TTBK2: variants seen among roughly 807,000 people sequenced by gnomAD.
TTBK2 encodes tau-tubulin kinase 2.
Under a neutral mutation model 110.8 loss-of-function variants are expected in TTBK2, and 28 were observed. The observed-to-expected ratio is 0.25, with a 90% confidence interval of 0.19 to 0.35. TTBK2 has a LOEUF of 0.35. Among genes scored for constraint, TTBK2 ranks in the 10% least tolerant of loss-of-function variants. The pLI is 1.00. For missense variants in TTBK2, 1,369 were observed against 1,500.3 expected (o/e 0.91, Z 1.45); for synonymous variants, 532 against 527.3 (o/e 1.01, Z -0.12).
chr15:42,840,801 A>G (rs1893189967), intron 3 of TTBK2, among the ~76,000 whole-genome samples: 2 of 152,250 alleles, frequency 1.3e-5, no homozygotes, highest in African/African-American at 2.4e-5. Flanking sequence ...TGTTAGGAAT[A>G]TAAACCCTGA....
chr15:42,802,357 G>T, intron 9 of TTBK2: 1 of 769,054 alleles, frequency 1.3e-6, no homozygotes. Flanking sequence ...AAAGGCCTGG[G>T]GGCCAGAGGT....
chr15:42,869,498 A>C (rs1402609006), intron 3 of TTBK2, among the ~76,000 whole-genome samples: 2 of 152,116 alleles, frequency 1.3e-5, no homozygotes, highest in Admixed American at 1.3e-4. Flanking sequence ...GTAATAAAAA[A>C]AGAAAATGGA....
rs1443712913 is a variant in TTBK2 at position 42,739,854 on chromosome 15, G to A, written c.*5941C>T. 6.6e-6 allele frequency: 1 copy of A among 152,158 alleles called. No individual in the cohort carries two copies. The highest frequency in any genetic ancestry group is 1.5e-5 in the Non-Finnish European group (1 of 68,038). 9.4% of individuals were successfully genotyped at this position (152,158 alleles called of 1,614,324 possible). On this transcript the variant is annotated 3_prime_UTR_variant, in exon 15 of 15. Transcript: ENST00000267890. ...GAATGCCCACACAGAGTTCAGATGTGGTGAAATGCTGGGCATTGATTCCTC... is the reference window on the plus strand; with the variant it reads ...GAATGCCCACACAGAGTTCAGATGTAGTGAAATGCTGGGCATTGATTCCTC...
intron 3 of TTBK2, among the ~76,000 whole-genome samples, chr15:42,853,029 C>G (rs1172137270): frequency 6.6e-6 from 1 of 152,174 alleles, no homozygotes; most frequent in Non-Finnish European, 1.5e-5. Context: ...AACCAGTTGT[C>G]TAATCCAGAA....
At position 42,775,401 on chromosome 15, in the gene TTBK2, G is replaced by T. The variant is rs1321911420; in HGVS notation, c.1732C>A (p.Pro578Thr). 1.2e-6 allele frequency: 2 copies of T among 1,614,194 alleles called. No homozygotes were observed. The highest frequency in any genetic ancestry group is 3.3e-5 in the Admixed American group (2 of 60,016). ...AGTACTTCAGGCTCCTCATCAGAAG[G>T]ACTTCCAGTTGTTTTATGTCCTACA... ...EAVGHKTTGS[P>T]SDEEPEVLQV... is the part of the protein sequence containing the mutation. The change falls in exon 13 of 15, where the codon CCT (proline) becomes ACT (threonine). Residue 578 changes from proline to threonine, a missense_variant. Transcript: ENST00000267890.
chr15:42,863,398 T>C (rs1044492366), intron 3 of TTBK2, among the ~76,000 whole-genome samples: 1 of 152,118 alleles, frequency 6.6e-6, no homozygotes, highest in African/African-American at 2.4e-5. Flanking sequence ...CAAGGAGAAC[T>C]ATAAAACATT....
At chr15:42,905,149 C>G (rs1381058709) in intron 1 of TTBK2, among the ~76,000 whole-genome samples, 1 of 152,150 alleles carries the variant, frequency 6.6e-6, no homozygotes, top group Non-Finnish European at 1.5e-5. Context: ...GCTGGGATTA[C>G]AGGCCTGTGC....
chr15:42,840,279 T>C, intron 4 of TTBK2, 81 bp downstream of exon 4: 1 of 1,196,782 alleles, frequency 8.4e-7, no homozygotes, highest in Non-Finnish European at 1.3e-6. Context: ...AGATTGTTGT[T>C]ACTTTTTATT....
intron 1 of TTBK2, among the ~76,000 whole-genome samples, chr15:42,898,779 C>T (rs1407982603): frequency 6.6e-6 from 1 of 152,152 alleles, no homozygotes; most frequent in African/African-American, 2.4e-5. Context: ...AAAAATTAAT[C>T]AGCAGTAACA....
In TTBK2 at chr15:42,743,136, G is replaced by A. The variant is rs1199278311; in HGVS notation, c.*2659C>T. 1 of 152,194 alleles carries A rather than the reference G, an allele frequency of 6.6e-6. No homozygotes were observed. The highest frequency in any genetic ancestry group is 1.5e-5 in the Non-Finnish European group (1 of 68,026). 9.4% of individuals were successfully genotyped at this position (152,194 alleles called of 1,614,324 possible). ...ATAATTAGTCTGTTTTCTTTAGAAA[G>A]TATCAGAGCAGAAACGTCTTTGGTT... On this transcript the variant is annotated 3_prime_UTR_variant, in exon 15 of 15. Transcript: ENST00000267890.
intron 9 of TTBK2, among the ~76,000 whole-genome samples, chr15:42,808,736 GCTA>G (rs1197121178): frequency 6.6e-6 from 1 of 151,734 alleles, no homozygotes; most frequent in Admixed American, 6.6e-5. Context: ...TGTAGATCAA[GCTA>G]CTCAGGAGGC....
At chr15:42,825,371 G>T (rs1892485618) in intron 6 of TTBK2, among the ~76,000 whole-genome samples, 2 of 152,162 alleles carry the variant, frequency 1.3e-5, no homozygotes, top group Non-Finnish European at 2.9e-5. Flanking sequence ...GGGCTGCACT[G>T]GGTAATATGA....
At chr15:42,804,365 C>T (rs1891362875) in intron 9 of TTBK2, among the ~76,000 whole-genome samples, 1 of 151,336 alleles carries the variant, frequency 6.6e-6, no homozygotes, top group Non-Finnish European at 1.5e-5. Context: ...TGCTTGAACC[C>T]AGGAGGTAGA....
rs1357139707 is a variant in TTBK2, at chr15:42,752,941, C to G, written c.2305G>C (p.Glu769Gln). ...LPDHNRLVVR[E>Q]FENLPGETEE... The stretch of plus-strand genomic sequence containing the variant: ...GTTTCCCCAGGGAGATTTTCAAATT[C>G]TCTCACAACCAGTCTATTATGATCA... The change falls in exon 14 of 15, where the codon GAA (glutamate) becomes CAA (glutamine). Residue 769 changes from glutamate to glutamine, a missense_variant. By Grantham distance (29) the Glu-to-Gln change is conservative (BLOSUM62 2). Coordinates refer to ENST00000267890, the MANE Select transcript of TTBK2 (RefSeq NM_173500.4). The G allele has an allele frequency of 6.2e-7, 1 of 1,614,198 alleles. No individual in the cohort carries two copies. The highest frequency in any genetic ancestry group is 1.3e-5 in the African/African-American group (1 of 75,044).
chr15:42,838,064 G>A (rs1325375338), intron 4 of TTBK2, among the ~76,000 whole-genome samples: 2 of 151,674 alleles, frequency 1.3e-5, no homozygotes, highest in African/African-American at 2.4e-5. Context: ...AAAAAGTAGC[G>A]AGGCGTGGTG....
chr15:42,849,112 T>C (rs913526163), intron 3 of TTBK2, among the ~76,000 whole-genome samples: 3 of 152,158 alleles, frequency 2.0e-5, no homozygotes, highest in Non-Finnish European at 4.4e-5. Context: ...GACACAAATG[T>C]AAGATGTTTT....
chr15:42,755,276 T>C (rs2061931190), intron 13 of TTBK2, among the ~76,000 whole-genome samples: 1 of 152,334 alleles, frequency 6.6e-6, no homozygotes, highest in South Asian at 2.1e-4. Context: ...CATTAAGTTC[T>C]AGGAAAACTA....
At chr15:42,905,496 A>G (rs1219817292) in intron 1 of TTBK2, among the ~76,000 whole-genome samples, 1 of 152,118 alleles carries the variant, frequency 6.6e-6, no homozygotes, top group African/African-American at 2.4e-5. Context: ...AATTCAAGAG[A>G]TCTTCCCAAC....
chr15:42,892,879 G>T (rs571146011), intron 1 of TTBK2, among the ~76,000 whole-genome samples: 1 of 151,546 alleles, frequency 6.6e-6, no homozygotes, highest in Non-Finnish European at 1.5e-5. Flanking sequence ...GTGTGGTGGT[G>T]TGTGCCTGCA....
Sources: allele counts gnomAD v4.1 joint callset (sites outside exome capture counted in the v4.1 genomes callset), GRCh38; gene constraint gnomAD v4.1.1; transcripts MANE v1.5; gene names NCBI Gene and HGNC (gene_info 2026-07-23, HGNC 2026-07-21).